Variants in NCOA7 observed in about 807,000 individuals in gnomAD.
NCOA7 encodes the protein nuclear receptor coactivator 7.
Under a neutral mutation model 104.3 loss-of-function variants are expected in NCOA7, and 45 were observed. The ratio of observed to expected loss-of-function variants is 0.43; its 90% confidence interval spans 0.34 to 0.55. NCOA7 has a LOEUF of 0.55. Among genes scored for constraint, NCOA7 ranks in the 20% least tolerant of loss-of-function variants. The pLI is 0.02. For missense variants in NCOA7, 1,041 were observed against 1,119.7 expected (o/e 0.93, Z 1.00); for synonymous variants, 398 against 402.3 (o/e 0.99, Z 0.13).
intron 10 of NCOA7, among the ~76,000 whole-genome samples, chr6:125,901,736 T>A (rs1785522607): frequency 2.0e-5 from 3 of 152,216 alleles, no homozygotes; most frequent in African/African-American, 7.2e-5. Flanking sequence ...CTTTTCACCC[T>A]GCCCTCTTGG....
chr6:125,836,375 G>A (rs1327701953), intron 2 of NCOA7, among the ~76,000 whole-genome samples: 1 of 152,150 alleles, frequency 6.6e-6, no homozygotes, highest in Non-Finnish European at 1.5e-5. Flanking sequence ...CTTTGATGTA[G>A]ATGATTAAAG....
intron 1 of NCOA7, among the ~76,000 whole-genome samples, chr6:125,805,150 C>T (rs1294958178): frequency 1.5e-5 from 2 of 129,350 alleles, no homozygotes; most frequent in African/African-American, 3.0e-5. Context: ...GGCTGGAATG[C>T]AATGGCACGA....
At chr6:125,824,947 A>G (rs1778533335) in intron 2 of NCOA7, among the ~76,000 whole-genome samples, 1 of 152,072 alleles carries the variant, frequency 6.6e-6, no homozygotes, top group Non-Finnish European at 1.5e-5. Context: ...GAAGCAGGAG[A>G]TTCGCTTGAA....
intron 2 of NCOA7, among the ~76,000 whole-genome samples, chr6:125,836,267 A>G (rs1052493421): frequency 6.6e-6 from 1 of 152,192 alleles, no homozygotes; most frequent in Non-Finnish European, 1.5e-5. Context: ...CCAGGGACAT[A>G]ATGGTTGGTA....
At chr6:125,890,103 C>G in intron 9 of NCOA7, 122 bp downstream of exon 9, 1 of 733,128 alleles carries the variant, frequency 1.4e-6, no homozygotes, top group Non-Finnish European at 2.0e-6. Context: ...TAGAGTGTAT[C>G]TTTGCTGATA....
At chr6:125,818,347 A>G (rs190354573) in intron 2 of NCOA7, among the ~76,000 whole-genome samples, 2 of 152,298 alleles carry the variant, frequency 1.3e-5, no homozygotes, top group South Asian at 2.1e-4. Context: ...AGTTTTTTCA[A>G]CTCAGAAATG....
rs372117393 is a variant in NCOA7, at chr6:125,829,289, A to G, written c.50+13885A>G. ...TAGAACTTTTACATATTATTTTAAG[A>G]GACAGATGTACAATGCTAGGAGTTA... is the stretch of plus-strand genomic sequence containing the variant. On this transcript the variant is annotated intron_variant, in intron 2 of 15. Transcript: ENST00000392477. Among the ~76,000 whole-genome samples, 18 of 152,316 alleles carry G rather than the reference A, an allele frequency of 1.2e-4. No individual in the cohort carries two copies. In the South Asian group the frequency reaches 1.4e-3, roughly 12 times the overall value.
In NCOA7 at chr6:125,874,935, G is replaced by A; in HGVS notation, c.318G>A (p.Val106=). ...KTHDKKEKKM[V]VQKPHGTMEY... ...ATGATAAAAAAGAGAAGAAGATGGT[G>A]GTTCAGAAGCCCCATGGGACTATGG... The change falls in exon 4 of 16, where the codon GTG becomes GTA. Residue 106 remains valine, a synonymous_variant. Transcript: ENST00000392477. The A allele has an allele frequency of 6.2e-7, 1 of 1,613,638 alleles. No homozygotes were observed. The highest frequency in any genetic ancestry group is 8.5e-7 in the Non-Finnish European group (1 of 1,179,642).
intron 2 of NCOA7, among the ~76,000 whole-genome samples, chr6:125,840,681 A>AT (rs2128603416): frequency 6.7e-6 from 1 of 150,364 alleles, no homozygotes; most frequent in East Asian, 2.0e-4. Flanking sequence ...GCCTGGCTAA[A>AT]TAAAAAAAAA....
chr6:125,812,229 G>A (rs1777090005), intron 1 of NCOA7, among the ~76,000 whole-genome samples: 1 of 152,038 alleles, frequency 6.6e-6, no homozygotes, highest in Non-Finnish European at 1.5e-5. Context: ...CTATCCCTTT[G>A]CTCTGGCATT....
chr6:125,913,908 C>T (rs1433610297), intron 10 of NCOA7, among the ~76,000 whole-genome samples: 1 of 152,180 alleles, frequency 6.6e-6, no homozygotes, highest in African/African-American at 2.4e-5. Flanking sequence ...AAGCCCTTAA[C>T]GCTGAAAGGA....
rs562302299 is a variant in NCOA7, at chr6:125,868,751, A to G, written c.272-6138A>G. Among the ~76,000 whole-genome samples the G allele has an allele frequency of 7.2e-4, 110 of 152,350 alleles. 2 individuals are homozygous for G. Among genetic ancestry groups the G allele is most frequent in the African/African-American group, 2.5e-3 (104 of 41,580 alleles). On this transcript the variant is annotated intron_variant, in intron 3 of 15. Transcript: ENST00000392477. Reference sequence around the variant, plus strand: ...GGGTACCCCTTTCTTTGAAAAATCTATAGAGACACAGACAATTTTTGCCTC... The same window carrying G: ...GGGTACCCCTTTCTTTGAAAAATCTGTAGAGACACAGACAATTTTTGCCTC...
chr6:125,922,827 A>G lies in NCOA7; in HGVS notation c.2516A>G (p.Asp839Gly), dbSNP rs371308408. Residue 839 changes from aspartate (D) to glycine (G), a missense_variant, in exon 13 of 16, where the codon GAT (aspartate) becomes GGT (glycine). Asp to Gly is a moderately conservative substitution (Grantham distance 94, BLOSUM62 -1). This residue lies in a region of NCOA7 where 127 missense variants were observed against 177.0 expected (regional missense o/e 0.72). Coordinates refer to ENST00000392477, the MANE Select transcript of NCOA7 (RefSeq NM_181782.5). ...GTCCTATTGGTCATCAAAGATATGG[A>G]TAATCAGGTGAGGCCTGTCCCTCTC... ...SPVLLVIKDM[D>G]NQIFGAYATH... 6.2e-7 allele frequency: 1 copy of G among 1,613,930 alleles called. No individual in the cohort carries two copies. Among genetic ancestry groups the G allele is most frequent in the Non-Finnish European group, 8.5e-7 (1 of 1,179,998 alleles).
chr6:125,848,931 A>G (rs1303016024), intron 2 of NCOA7, among the ~76,000 whole-genome samples: 1 of 152,206 alleles, frequency 6.6e-6, no homozygotes. Context: ...TTTGTAGAAG[A>G]GCACATCTCA....
chr6:125,797,122 C>T (rs919873745), intron 1 of NCOA7, among the ~76,000 whole-genome samples: 8 of 152,100 alleles, frequency 5.3e-5, no homozygotes, highest in East Asian at 3.8e-4. Context: ...CATAAAGGGA[C>T]GAAAGCCTCC....
chr6:125,848,566 C>T (rs940838302), intron 2 of NCOA7, among the ~76,000 whole-genome samples: 10 of 152,064 alleles, frequency 6.6e-5, no homozygotes, highest in Admixed American at 2.0e-4. Flanking sequence ...AACCAAACAC[C>T]GAATGTTCTC....
At chr6:125,909,465 G>T (rs1312326902) in intron 10 of NCOA7, among the ~76,000 whole-genome samples, 1 of 152,128 alleles carries the variant, frequency 6.6e-6, no homozygotes. Flanking sequence ...AGTAAGTCAG[G>T]TTAACTTGTT....
intron 2 of NCOA7, among the ~76,000 whole-genome samples, chr6:125,844,415 C>A (rs1302312292): frequency 6.6e-6 from 1 of 152,204 alleles, no homozygotes; most frequent in African/African-American, 2.4e-5. Flanking sequence ...ATGGGTTACA[C>A]TAGAATCAGG....
At chr6:125,815,469 T>C in intron 2 of NCOA7, 65 bp downstream of exon 2, 1 of 1,342,582 alleles carries the variant, frequency 7.4e-7, no homozygotes, top group South Asian at 1.2e-5. Flanking sequence ...GACTTTGTCC[T>C]CAAGTATTAC....
Sources: gnomAD v4.1 joint callset for allele counts (sites outside exome capture counted in the v4.1 genomes callset) on GRCh38, gnomAD v4.1.1 for gene constraint, gnomAD v4.1.1 regional missense constraint, MANE v1.5 for transcripts, NCBI Gene and HGNC (gene_info 2026-07-23, HGNC 2026-07-21) for gene names.